Variants in HOMER2 observed in about 807,000 individuals in gnomAD.
HOMER2 encodes the protein homer scaffold protein 2.
Under a neutral mutation model 47.0 loss-of-function variants are expected in HOMER2, and 27 were observed. The observed-to-expected ratio is 0.57, with a 90% confidence interval of 0.42 to 0.79. The LOEUF (loss-of-function observed/expected upper bound fraction) is 0.79. Among genes scored for constraint, HOMER2 ranks in the 30% least tolerant of loss-of-function variants. The pLI is 0.00. For missense variants in HOMER2, 443 were observed against 435.0 expected (o/e 1.02, Z -0.16); for synonymous variants, 161 against 163.8 (o/e 0.98, Z 0.13).
upstream of HOMER2, chr15:82,952,839 G>A (rs1413934083): frequency 2.6e-6 from 1 of 390,824 alleles, no homozygotes; most frequent in Non-Finnish European, 3.5e-6. Context: ...AGCGAGCCAA[G>A]AGGCGGGGGG....
At chr15:82,834,710 AAACTCAT>A, downstream of HOMER2, 1 of 152,752 alleles carries the variant, frequency 6.5e-6, no homozygotes, top group South Asian at 2.1e-4. Flanking sequence ...AGCACTACAT[AAACTCAT>A]AATAACTATT....
chr15:82,882,817 C>A (rs1431092235), intron 2 of HOMER2, among the ~76,000 whole-genome samples: 1 of 150,562 alleles, frequency 6.6e-6, no homozygotes, highest in Non-Finnish European at 1.5e-5. Context: ...ACAGTTTACA[C>A]AGAAGCTGAA....
chr15:82,882,723 G>A (rs2052563700), intron 2 of HOMER2, among the ~76,000 whole-genome samples: 1 of 152,138 alleles, frequency 6.6e-6, no homozygotes, highest in African/African-American at 2.4e-5. Flanking sequence ...CAGAGGAGCT[G>A]GCTGTGCCTG....
intron 1 of HOMER2, among the ~76,000 whole-genome samples, chr15:82,901,247 GA>G (rs1169257648): frequency 1.3e-5 from 2 of 152,190 alleles, no homozygotes; most frequent in Non-Finnish European, 1.5e-5. Context: ...AGCCAGGAGG[GA>G]GACAGGCAGA....
rs74624243 is a variant in HOMER2 at position 82,906,841 on chromosome 15, A to G, written c.6-14000T>C. 6.7e-3 allele frequency among the ~76,000 whole-genome samples: 1,022 copies of G among 152,354 alleles called. 11 individuals are homozygous for G. The highest frequency in any genetic ancestry group is 0.022 in the African/African-American group (924 of 41,576). ...AAAAGACAGCAGGAGTAGCTCTATC[A>G]CTTTCAGACAGAGCAGACTTAAGAG... On this transcript the variant is annotated intron_variant, in intron 1 of 8. Coordinates refer to ENST00000450735, the MANE Select transcript of HOMER2 (RefSeq NM_004839.4).
rs2052624592 is a variant in HOMER2, at chr15:82,888,899, CGGCCATCTT to C, written c.162+3777_162+3785del. On this transcript the variant is annotated intron_variant, in intron 2 of 8. Transcript: ENST00000450735. ...GCTGTAGACCGGAGCTGTTCCTATT[CGGCCATCTT>C]GGCTCCTCCCCACCAGCCACTTCTT... Among the ~76,000 whole-genome samples the C allele has an allele frequency of 7.1e-5, 2 of 28,280 alleles. 1 individual carries two copies. Among genetic ancestry groups the C allele is most frequent in the Non-Finnish European group, 1.3e-4 (2 of 14,818 alleles). 18.6% of individuals were successfully genotyped at this position (28,280 alleles called of 152,430 possible).
chr15:82,901,495 C>A (rs1738114316), intron 1 of HOMER2, among the ~76,000 whole-genome samples: 1 of 152,228 alleles, frequency 6.6e-6, no homozygotes, highest in African/African-American at 2.4e-5. Flanking sequence ...CCCTCTCCCA[C>A]CTCCACACAT....
Position 82,979,750 on chromosome 15 carries a change from C to T in HOMER2, n.82+6037G>A, listed in dbSNP as rs181432667. 2.4e-3 allele frequency among the ~76,000 whole-genome samples: 364 copies of T among 152,046 alleles called. 6 individuals are homozygous for T. Among genetic ancestry groups the T allele is most frequent in the Non-Finnish European group, 5.3e-4 (36 of 67,974 alleles). ...GCTAGGTTTCTGGCAAGGGAAACTG[C>T]GAGGAAGCATTCTCTGAAAATGGAA... On this transcript the variant is annotated intron_variant and non_coding_transcript_variant, in intron 1 of 1. Transcript: ENST00000500334.
exon 2 of HOMER2, chr15:82,841,564 T>C (rs2051176573): frequency 6.6e-6 from 1 of 151,654 alleles, no homozygotes; most frequent in East Asian, 1.9e-4. Context: ...ATGTACAATA[T>C]CAGCACAATT....
chr15:82,947,415 C>T (rs2054406185), intron 1 of HOMER2, among the ~76,000 whole-genome samples: 1 of 152,174 alleles, frequency 6.6e-6, no homozygotes, highest in Non-Finnish European at 1.5e-5. Context: ...GTAATCTTGG[C>T]TGAACAAAAT....
intron 3 of HOMER2, among the ~76,000 whole-genome samples, chr15:82,870,268 C>A (rs2052132998): frequency 1.3e-5 from 2 of 152,152 alleles, no homozygotes; most frequent in Non-Finnish European, 2.9e-5. Context: ...CTAAGCCAAT[C>A]ATGGAAATCC....
intron 1 of HOMER2, among the ~76,000 whole-genome samples, chr15:82,975,077 A>C (rs1417747468): frequency 6.6e-6 from 1 of 152,216 alleles, no homozygotes; most frequent in East Asian, 1.9e-4. Flanking sequence ...AAAAGAAAAA[A>C]AAGACACACA....
At chr15:82,955,327 A>T (rs796336224), upstream of HOMER2, among the ~76,000 whole-genome samples, 1 of 151,688 alleles carries the variant, frequency 6.6e-6, no homozygotes, top group Non-Finnish European at 1.5e-5. Context: ...ATGCCACCAC[A>T]CCTGGCTACT....
chr15:82,954,083 A>G (rs1398962766), upstream of HOMER2, among the ~76,000 whole-genome samples: 2 of 152,050 alleles, frequency 1.3e-5, no homozygotes, highest in African/African-American at 2.4e-5. Flanking sequence ...TCAAAAAAAT[A>G]AATAAATAAA....
intron 1 of HOMER2, among the ~76,000 whole-genome samples, chr15:82,941,235 G>A (rs756967773): frequency 9.2e-5 from 14 of 151,936 alleles, no homozygotes; most frequent in Non-Finnish European, 1.9e-4. Flanking sequence ...CTTCAGATCA[G>A]GAGTTCAAGA....
exon 2 of HOMER2, chr15:82,841,405 CTAATAA>C (rs374276789): frequency 2.6e-5 from 4 of 152,068 alleles, no homozygotes; most frequent in Non-Finnish European, 4.4e-5. Context: ...ACATCCATTA[CTAATAA>C]TATTTTCATC....
chr15:82,971,772 T>C (rs750691739), intron 1 of HOMER2, among the ~76,000 whole-genome samples: 14 of 148,340 alleles, frequency 9.4e-5, no homozygotes, highest in Non-Finnish European at 1.6e-4. Flanking sequence ...AGAACTGATA[T>C]GGGGGTGGGG....
chr15:82,897,118 G>A (rs1306209203), intron 1 of HOMER2, among the ~76,000 whole-genome samples: 1 of 138,140 alleles, frequency 7.2e-6, no homozygotes, highest in Non-Finnish European at 1.5e-5. Context: ...CCAAGCTGGA[G>A]TGTAGTGGCA....
At chr15:82,890,213 G>A (rs1349615531) in intron 2 of HOMER2, among the ~76,000 whole-genome samples, 2 of 152,180 alleles carry the variant, frequency 1.3e-5, no homozygotes, top group Admixed American at 6.5e-5. Context: ...ATAGTGGTGG[G>A]TACCTATAAT....
Sources: allele counts gnomAD v4.1 joint callset (sites outside exome capture counted in the v4.1 genomes callset), GRCh38; gene constraint gnomAD v4.1.1; transcripts MANE v1.5; gene names NCBI Gene and HGNC (gene_info 2026-07-23, HGNC 2026-07-21).